Variants in ZFPM2 observed in about 807,000 individuals in gnomAD.
ZFPM2 encodes the protein zinc finger protein ZFPM2.
Under a neutral mutation model 98.6 loss-of-function variants are expected in ZFPM2, and 20 were observed. The ratio of observed to expected loss-of-function variants is 0.20; its 90% CI spans 0.14 to 0.29. The LOEUF (loss-of-function observed/expected upper bound fraction) is 0.29. Among genes scored for constraint, ZFPM2 ranks in the 10% least tolerant of loss-of-function variants. The pLI is 1.00. For synonymous variants in ZFPM2, 518 were observed against 502.7 expected (o/e 1.03, Z -0.41); for missense variants, 1,310 against 1,388.6 (o/e 0.94, Z 0.90).
intron 6 of ZFPM2, chr8:105,789,138 GGTTA>G (rs1361138544): frequency 6.7e-6 from 3 of 447,654 alleles, no homozygotes; most frequent in Non-Finnish European, 7.9e-6. Flanking sequence ...ACAATGTGCA[GGTTA>G]GTTACATATG....
chr8:105,480,056 T>C, intron 3 of ZFPM2, among the ~76,000 whole-genome samples: 1 of 152,216 alleles, frequency 6.6e-6, no homozygotes, highest in East Asian at 1.9e-4. Flanking sequence ...GCTCAGTTAT[T>C]GCTGTGATAA....
chr8:105,580,997 C>T (rs967987452), intron 4 of ZFPM2, among the ~76,000 whole-genome samples: 1 of 151,846 alleles, frequency 6.6e-6, no homozygotes, highest in South Asian at 2.1e-4. Flanking sequence ...TAGTGACCAA[C>T]TCAAGCTAAA....
intron 4 of ZFPM2, among the ~76,000 whole-genome samples, chr8:105,612,062 C>T (rs1395664624): frequency 5.3e-5 from 8 of 152,066 alleles, no homozygotes; most frequent in Non-Finnish European, 7.4e-5. Flanking sequence ...AGCTAAGTAA[C>T]CTACTTATAA....
intron 6 of ZFPM2, among the ~76,000 whole-genome samples, chr8:105,795,399 T>C (rs1295562474): frequency 1.3e-5 from 2 of 151,580 alleles, no homozygotes; most frequent in Non-Finnish European, 2.9e-5. Context: ...ATGAGTTCAA[T>C]AATATTCAAG....
chr8:105,629,727 T>C (rs1816722294), intron 4 of ZFPM2, among the ~76,000 whole-genome samples: 1 of 152,204 alleles, frequency 6.6e-6, no homozygotes, highest in Non-Finnish European at 1.5e-5. Context: ...AGTTCCTGTT[T>C]CTTGCTTCCT....
chr8:105,595,156 G>A (rs568595675), intron 4 of ZFPM2, among the ~76,000 whole-genome samples: 1 of 152,254 alleles, frequency 6.6e-6, no homozygotes, highest in African/African-American at 2.4e-5. Flanking sequence ...CCATTGTACA[G>A]TCTTAGCAGG....
At chr8:105,340,909 TGATCTGTTA>T (rs1231787125) in intron 1 of ZFPM2, among the ~76,000 whole-genome samples, 2 of 151,950 alleles carry the variant, frequency 1.3e-5, no homozygotes, top group Admixed American at 1.3e-4. Flanking sequence ...TGCCTGACAA[TGATCTGTTA>T]GACACAAATT....
In ZFPM2 at chr8:105,642,478, T is replaced by C. The variant is rs531739149; in HGVS notation, c.532+8121T>C. Among the ~76,000 whole-genome samples, 3 of 152,286 alleles carry C rather than the reference T, an allele frequency of 2.0e-5. No individual in the cohort carries two copies. The South Asian group carries it at 6.2e-4, about 32-fold the overall frequency. On this transcript the variant is annotated intron_variant, in intron 5 of 7. Coordinates refer to ENST00000407775, the MANE Select transcript of ZFPM2 (RefSeq NM_012082.4). The stretch of plus-strand genomic sequence containing the variant: ...TTTGTCTTAACTACATTCTTACTCT[T>C]CTTTTTACACAACCCAACTAAAACA...
At chr8:105,604,876 G>A (rs1816166481) in intron 4 of ZFPM2, among the ~76,000 whole-genome samples, 1 of 151,970 alleles carries the variant, frequency 6.6e-6, no homozygotes, top group African/African-American at 2.4e-5. Context: ...TCCCTAATAA[G>A]TGGGTGAGTT....
chr8:105,702,603 T>A (rs969968666), intron 5 of ZFPM2, among the ~76,000 whole-genome samples: 2 of 152,186 alleles, frequency 1.3e-5, no homozygotes, highest in Non-Finnish European at 2.9e-5. Flanking sequence ...ATCTCCTTAT[T>A]TTACATTAGA....
chr8:105,529,946 G>A (rs143684485), intron 3 of ZFPM2, among the ~76,000 whole-genome samples: 3 of 151,948 alleles, frequency 2.0e-5, no homozygotes, highest in Non-Finnish European at 4.4e-5. Flanking sequence ...GGTCAGGCTG[G>A]TCTAGAACTC....
chr8:105,779,497 T>C (rs1423109466), intron 5 of ZFPM2, among the ~76,000 whole-genome samples: 5 of 152,228 alleles, frequency 3.3e-5, no homozygotes, highest in Admixed American at 2.6e-4. Context: ...TTTACCATTG[T>C]AAGAAGCCAT....
chr8:105,612,585 C>A (rs1816329142), intron 4 of ZFPM2, among the ~76,000 whole-genome samples: 1 of 152,114 alleles, frequency 6.6e-6, no homozygotes, highest in African/African-American at 2.4e-5. Flanking sequence ...GTCTTTAGCA[C>A]AGTCATCTAA....
In ZFPM2 at chr8:105,441,482, G is replaced by GAAAAAAAGAAAA. The variant is rs71305153; in HGVS notation, c.200-2795_200-2794insAAAAGAAAAAAA. Among the ~76,000 whole-genome samples the GAAAAAAAGAAAA allele has an allele frequency of 5.9e-5, 5 of 85,404 alleles. 2 individuals carry two copies. Among genetic ancestry groups the GAAAAAAAGAAAA allele is most frequent in the Admixed American group, 2.4e-4 (2 of 8,184 alleles). 56.0% of individuals were successfully genotyped at this position (85,404 alleles called of 152,430 possible). A position where few individuals can be genotyped will look rare whatever the true frequency, so the allele number is the denominator to read the frequency against. ...AGAAAGAAAGAAAGAAAGAAAGAAA[G>GAAAAAAAGAAAA]AAAGAAAGAAAGAAAGAAATCAAAG... On this transcript the variant is annotated intron_variant, in intron 2 of 7. Transcript: ENST00000407775.
At chr8:105,688,872 G>T (rs1402404899) in intron 5 of ZFPM2, among the ~76,000 whole-genome samples, 1 of 152,050 alleles carries the variant, frequency 6.6e-6, no homozygotes, top group Non-Finnish European at 1.5e-5. Flanking sequence ...CAGAAATATT[G>T]TATTAATATA....
At chr8:105,421,274 A>G (rs1372491546) in intron 2 of ZFPM2, among the ~76,000 whole-genome samples, 2 of 152,114 alleles carry the variant, frequency 1.3e-5, no homozygotes, top group Non-Finnish European at 2.9e-5. Context: ...AAAAATGTTT[A>G]ATGTCAGATG....
chr8:105,480,539 A>C (rs1813094249), intron 3 of ZFPM2, among the ~76,000 whole-genome samples: 1 of 152,158 alleles, frequency 6.6e-6, no homozygotes, highest in Non-Finnish European at 1.5e-5. Context: ...CTTAATACCA[A>C]CTAGACTTAT....
chr8:105,622,210 A>T (rs754474062), intron 4 of ZFPM2, among the ~76,000 whole-genome samples: 13 of 152,260 alleles, frequency 8.5e-5, no homozygotes, highest in Admixed American at 7.9e-4. Context: ...GTAGAATTTA[A>T]CTCACTGGTA....
At chr8:105,393,330 C>CTGTCTTTCTTTCTTTCTT (rs1245789213) in intron 1 of ZFPM2, among the ~76,000 whole-genome samples, 4 of 132,828 alleles carry the variant, frequency 3.0e-5, no homozygotes, top group South Asian at 2.4e-4. Flanking sequence ...CCCTCTCTCT[C>CTGTCTTTCTTTCTTTCTT]TCTTTGCCTT....
Sources: allele counts gnomAD v4.1 joint callset (sites outside exome capture counted in the v4.1 genomes callset), GRCh38; gene constraint gnomAD v4.1.1; transcripts MANE v1.5; gene names NCBI Gene and HGNC (gene_info 2026-07-23, HGNC 2026-07-21).